The following MYO16 variants were observed in gnomAD, a reference collection of about 807,000 sequenced individuals.
The protein encoded by MYO16 is myosin XVI.
In MYO16, 94 loss-of-function variants were observed where a neutral mutation model predicts 205.3. That is an observed-to-expected ratio of 0.46 (90% CI 0.39 to 0.54). MYO16 has a LOEUF of 0.54. MYO16 is among the 20% of genes least tolerant of loss of function. MYO16 has a pLI of 0.00. For synonymous variants in MYO16, 988 were observed against 954.0 expected, an observed-to-expected ratio of 1.04 and a Z score of -0.66; for missense variants, 2,315 against 2,387.5, an observed-to-expected ratio of 0.97 and a Z score of 0.63.
rs35729053 is a variant in MYO16 at position 109,173,947 on chromosome 13, T to TGC, written c.5324-5594_5324-5593insCG. On this transcript the variant is annotated intron_variant, in intron 33 of 34. Transcript: ENST00000457511. ...TCTGAAAGGGTTGTCCTTGTTTTGA[T>TGC]GGGGGGGGGTACTCTCTGCTGTTTT... Among the ~76,000 whole-genome samples, 272 of 115,226 alleles carry TGC rather than the reference T, an allele frequency of 2.4e-3. 18 individuals carry two copies. The East Asian group carries it at 0.04, about 17-fold the overall frequency. 75.6% of individuals were successfully genotyped at this position (115,226 alleles called of 152,430 possible). A position where few individuals can be genotyped will look rare whatever the true frequency, so the allele number is the denominator to read the frequency against.
At chr13:108,792,512 CTTTT>C (rs35311611) in intron 5 of MYO16, among the ~76,000 whole-genome samples, 3 of 129,314 alleles carry the variant, frequency 2.3e-5, no homozygotes, top group Non-Finnish European at 3.3e-5. Context: ...ATACTAATGT[CTTTT>C]TTTTTTTTTT....
intron 34 of MYO16, among the ~76,000 whole-genome samples, chr13:109,186,046 G>T (rs1191783184): frequency 6.6e-6 from 1 of 151,980 alleles, no homozygotes; most frequent in Non-Finnish European, 1.5e-5. Flanking sequence ...AACAACTGTA[G>T]TCCCCGCTAC....
At chr13:109,083,872 G>A (rs1227787720) in intron 27 of MYO16, among the ~76,000 whole-genome samples, 1 of 152,134 alleles carries the variant, frequency 6.6e-6, no homozygotes, top group Non-Finnish European at 1.5e-5. Flanking sequence ...TAGGAATGAA[G>A]CTTTTGTGAA....
chr13:108,644,796 C>T (rs1330620003), intron 1 of MYO16, among the ~76,000 whole-genome samples: 1 of 152,292 alleles, frequency 6.6e-6, no homozygotes, highest in Middle Eastern at 3.4e-3. Context: ...TCAACCCTCA[C>T]ACCCATGAAC....
chr13:108,922,085 C>T (rs1008703650), intron 16 of MYO16, among the ~76,000 whole-genome samples: 5 of 152,192 alleles, frequency 3.3e-5, no homozygotes, highest in African/African-American at 4.8e-5. Context: ...TGCCTCTGTG[C>T]GGCTCTGTCC....
chr13:109,177,879 T>G (rs1879281338), intron 33 of MYO16, among the ~76,000 whole-genome samples: 1 of 152,168 alleles, frequency 6.6e-6, no homozygotes, highest in Non-Finnish European at 1.5e-5. Flanking sequence ...CTGCCACAGA[T>G]CCCCTGTCTT....
intron 2 of MYO16, among the ~76,000 whole-genome samples, chr13:108,673,365 CTTTT>C (rs10709309): frequency 7.4e-6 from 1 of 134,806 alleles, no homozygotes; most frequent in Admixed American, 7.3e-5. Flanking sequence ...GTTCTTCTTC[CTTTT>C]TTTTTTTTTT....
At chr13:108,978,149 T>C (rs1326808341) in intron 20 of MYO16, among the ~76,000 whole-genome samples, 1 of 152,090 alleles carries the variant, frequency 6.6e-6, no homozygotes, top group African/African-American at 2.4e-5. Context: ...GTTGATCTCA[T>C]ATGTAGAAAT....
chr13:108,522,756 G>T, the MYO16 span, among the ~76,000 whole-genome samples: 1 of 100,456 alleles, frequency 1.0e-5, no homozygotes, highest in East Asian at 3.4e-4. Context: ...ACCATGTGGG[G>T]TGTGTGTGTT....
chr13:108,733,968 C>A (rs1177566445), intron 4 of MYO16, among the ~76,000 whole-genome samples: 5 of 150,104 alleles, frequency 3.3e-5, no homozygotes, highest in Admixed American at 2.6e-4. Context: ...GACTCCGTCT[C>A]AAAAAAAAAT....
chr13:108,751,585 G>C (rs8002899), intron 4 of MYO16, among the ~76,000 whole-genome samples: 70,273 of 151,914 alleles, frequency 0.46, 16,379 homozygotes, highest in East Asian at 0.55. Flanking sequence ...TGACTTCTTT[G>C]CAGAGTTTAC....
At chr13:108,945,089 G>A (rs979863241) in intron 16 of MYO16, among the ~76,000 whole-genome samples, 19 of 152,138 alleles carry the variant, frequency 1.2e-4, no homozygotes, top group Non-Finnish European at 1.2e-4. Context: ...TATTGATTCA[G>A]TATCTTTCTA....
chr13:108,780,664 T>C (rs1566324304), intron 4 of MYO16, among the ~76,000 whole-genome samples: 1 of 152,208 alleles, frequency 6.6e-6, no homozygotes, highest in Non-Finnish European at 1.5e-5. Context: ...TTTTAATGAT[T>C]AGTTTAAGTT....
At chr13:109,016,222 C>A (rs1347974057) in intron 22 of MYO16, among the ~76,000 whole-genome samples, 1 of 152,066 alleles carries the variant, frequency 6.6e-6, no homozygotes, top group Non-Finnish European at 1.5e-5. Flanking sequence ...CGTGATTTAC[C>A]CAGTAGTCAT....
chr13:108,735,054 A>C (rs1047829579), intron 4 of MYO16, among the ~76,000 whole-genome samples: 5 of 152,336 alleles, frequency 3.3e-5, no homozygotes, highest in African/African-American at 1.2e-4. Context: ...TGTCCCTAGC[A>C]GGACAATAGT....
the MYO16 span, among the ~76,000 whole-genome samples, chr13:108,498,762 T>TC: frequency 1.3e-5 from 2 of 152,214 alleles, no homozygotes; most frequent in Admixed American, 6.5e-5. Context: ...AATGTCATCA[T>TC]CACTCTCAGA....
chr13:108,848,052 C>T (rs144732454), intron 10 of MYO16, among the ~76,000 whole-genome samples: 133 of 152,244 alleles, frequency 8.7e-4, no homozygotes, highest in Middle Eastern at 6.8e-3. Flanking sequence ...AGCTCTGGAG[C>T]TCTATGGAAG....
intron 21 of MYO16, among the ~76,000 whole-genome samples, chr13:109,002,149 A>G (rs1159330779): frequency 6.6e-6 from 1 of 152,182 alleles, no homozygotes; most frequent in African/African-American, 2.4e-5. Context: ...GGTCAGGCCC[A>G]GACATTAGCC....
chr13:108,529,822 C>T, the MYO16 span, among the ~76,000 whole-genome samples: 2 of 152,194 alleles, frequency 1.3e-5, no homozygotes, highest in African/African-American at 4.8e-5. Flanking sequence ...TGCAACAGAA[C>T]CAATTTTATT....
Sources: allele counts gnomAD v4.1 joint callset (sites outside exome capture counted in the v4.1 genomes callset), GRCh38; gene constraint gnomAD v4.1.1; transcripts MANE v1.5; gene names NCBI Gene and HGNC (gene_info 2026-07-23, HGNC 2026-07-21).